Variants in PHF14 observed in about 807,000 individuals in gnomAD.
PHF14 encodes PHD finger protein 14.
In PHF14, 55 loss-of-function variants were observed where a neutral mutation model predicts 117.9. The observed-to-expected ratio is 0.47, with a 90% CI of 0.38 to 0.58. The LOEUF is 0.58. PHF14 is among the 20% of genes least tolerant of loss of function. The pLI is 0.00. For missense variants in PHF14, 978 were observed against 1,122.2 expected (o/e 0.87, Z 1.84); for synonymous variants, 409 against 368.6 (o/e 1.11, Z -1.26).
intron 4 of PHF14, among the ~76,000 whole-genome samples, chr7:11,008,871 T>C (rs1783232340): frequency 6.6e-6 from 1 of 151,610 alleles, no homozygotes; most frequent in Non-Finnish European, 1.5e-5. Context: ...CCGTCTCTAC[T>C]AAAAATACAA....
At chr7:11,094,440 T>C (rs1786768340) in intron 16 of PHF14, among the ~76,000 whole-genome samples, 1 of 152,160 alleles carries the variant, frequency 6.6e-6, no homozygotes, top group Non-Finnish European at 1.5e-5. Context: ...CATCTATTTA[T>C]CTCTCTGATT....
chr7:11,104,118 G>A (rs1019528755), intron 16 of PHF14: 20 of 984,768 alleles, frequency 2.0e-5, no homozygotes, highest in Non-Finnish European at 2.3e-5. Context: ...TTTATTTTAG[G>A]TTTTTTGAGA....
chr7:11,101,519 A>C lies in PHF14; in HGVS notation c.2655-9831A>C, dbSNP rs149775353. Among the ~76,000 whole-genome samples the C allele has an allele frequency of 2.1e-3, 321 of 151,946 alleles. 1 individual carries two copies. The highest frequency in any genetic ancestry group is 3.1e-3 in the Non-Finnish European group (208 of 67,810). Reference sequence around the variant, plus strand: ...CTATTTAACAAGCAAATTGACCTCTATTATTTCTTATATGTTGATAAATAC... The same window carrying C: ...CTATTTAACAAGCAAATTGACCTCTCTTATTTCTTATATGTTGATAAATAC... On this transcript the variant is annotated intron_variant, in intron 16 of 17. Coordinates refer to ENST00000634607, the MANE Select transcript of PHF14 (RefSeq NM_001007157.2).
rs373727440 is a variant in PHF14, at chr7:11,168,589, TTTAA to T, written c.2773-822_2773-819del. Among the ~76,000 whole-genome samples, 126 of 152,354 alleles carry T rather than the reference TTTAA, an allele frequency of 8.3e-4. 1 individual carries two copies. Among genetic ancestry groups the T allele is most frequent in the Middle Eastern group, 6.8e-3 (2 of 294 alleles). On this transcript the variant is annotated intron_variant, in intron 17 of 17. Transcript: ENST00000634607. ...GAAATACTTAAATTGATGTTTATGCTTTAATTAACTCAGAAGAGTACCTTTATGT... is the reference window on the plus strand; with the variant it reads ...GAAATACTTAAATTGATGTTTATGCTTTAACTCAGAAGAGTACCTTTATGT...
rs193243914 is a variant in PHF14, at chr7:10,989,670, C to T, written c.901-1033C>T. On this transcript the variant is annotated intron_variant, in intron 3 of 17. Coordinates refer to ENST00000634607, the MANE Select transcript of PHF14 (RefSeq NM_001007157.2). ...TTTTGAGACAGGGTCTTGTGCTGTCCCCCAGGCTGAAGTGCAGTGGCGAGA... is the reference window on the plus strand; with the variant it reads ...TTTTGAGACAGGGTCTTGTGCTGTCTCCCAGGCTGAAGTGCAGTGGCGAGA... Among the ~76,000 whole-genome samples, 39 of 152,160 alleles carry T rather than the reference C, an allele frequency of 2.6e-4. 1 individual carries two copies. In the East Asian group the frequency reaches 7.5e-3, roughly 29 times the overall value.
intron 16 of PHF14, among the ~76,000 whole-genome samples, chr7:11,086,401 T>G (rs550678017): frequency 2.0e-5 from 3 of 152,202 alleles, no homozygotes; most frequent in Non-Finnish European, 4.4e-5. Context: ...GTTGCTTTTA[T>G]GCCATCTTGC....
intron 17 of PHF14, among the ~76,000 whole-genome samples, chr7:11,122,344 T>TACACAC (rs1186878512): frequency 1.5e-5 from 1 of 68,486 alleles, no homozygotes; most frequent in Non-Finnish European, 2.6e-5. Flanking sequence ...TATATATATA[T>TACACAC]ATATATATAC....
chr7:11,086,107 ACT>A (rs766334418), intron 16 of PHF14, among the ~76,000 whole-genome samples: 1 of 151,834 alleles, frequency 6.6e-6, no homozygotes, highest in African/African-American at 2.4e-5. Flanking sequence ...TCCTTCATCA[ACT>A]CTCTCCTGGA....
intron 17 of PHF14, among the ~76,000 whole-genome samples, chr7:11,139,824 T>C (rs2075304567): frequency 6.6e-6 from 1 of 152,046 alleles, no homozygotes; most frequent in Admixed American, 6.6e-5. Flanking sequence ...GAAAATTGAG[T>C]AAAATTTTCC....
chr7:11,169,313 C>T, intron 17 of PHF14, 103 bp from the exon 18 acceptor site: 1 of 539,966 alleles, frequency 1.9e-6, no homozygotes, highest in Non-Finnish European at 3.3e-6. Context: ...TTATTAGAAT[C>T]ACAGTAGTTC....
intron 14 of PHF14, among the ~76,000 whole-genome samples, chr7:11,056,781 A>G (rs1785034903): frequency 6.7e-6 from 1 of 148,790 alleles, no homozygotes; most frequent in Non-Finnish European, 1.5e-5. Flanking sequence ...AATATATGCT[A>G]TACATATAAT....
intron 7 of PHF14, among the ~76,000 whole-genome samples, chr7:11,035,412 C>A (rs932178964): frequency 2.6e-4 from 40 of 152,052 alleles, no homozygotes; most frequent in African/African-American, 9.4e-4. Context: ...TTTAAACCTG[C>A]AGGCCCTTTA....
intron 4 of PHF14, among the ~76,000 whole-genome samples, chr7:10,999,202 C>T (rs1198034027): frequency 1.3e-5 from 2 of 152,170 alleles, no homozygotes; most frequent in Non-Finnish European, 2.9e-5. Context: ...TTTCTTCTAG[C>T]ACAATCTGCT....
intron 4 of PHF14, among the ~76,000 whole-genome samples, chr7:11,002,639 C>G (rs1038743288): frequency 1.3e-5 from 2 of 151,966 alleles, no homozygotes; most frequent in African/African-American, 4.8e-5. Flanking sequence ...GACGGGATTT[C>G]TCCATGTTGG....
intron 16 of PHF14, among the ~76,000 whole-genome samples, chr7:11,100,352 C>A (rs1375600175): frequency 6.6e-6 from 1 of 151,906 alleles, no homozygotes; most frequent in Non-Finnish European, 1.5e-5. Flanking sequence ...GTATCCCAGA[C>A]TATGTTTTCT....
rs527608260 is a variant in PHF14, at chr7:10,989,893, T to G, written c.901-810T>G. ...TGATCCTCCTGCTTCAACCTCCCACTGTATTTGGGATTACCGGTGTGAGCC... is the reference window on the plus strand; with the variant it reads ...TGATCCTCCTGCTTCAACCTCCCACGGTATTTGGGATTACCGGTGTGAGCC... On this transcript the variant is annotated intron_variant, in intron 3 of 17. Transcript: ENST00000634607. 2.6e-5 allele frequency among the ~76,000 whole-genome samples: 4 copies of G among 152,296 alleles called. No homozygotes were observed. In the South Asian group the frequency reaches 6.2e-4, roughly 24 times the overall value.
In PHF14 at chr7:11,161,966, G is replaced by A. The variant is rs566822129; in HGVS notation, c.2773-7450G>A. Among the ~76,000 whole-genome samples the A allele has an allele frequency of 2.7e-4, 41 of 149,310 alleles. No homozygotes were observed. The East Asian group carries it at 6.1e-3, about 22-fold the overall frequency. ...TTTCTATTGTCAAGACCATAAGTTC[G>A]TCAGGGTTATCAAACATACTCACCA... On this transcript the variant is annotated intron_variant, in intron 17 of 17. Coordinates refer to ENST00000634607, the MANE Select transcript of PHF14 (RefSeq NM_001007157.2).
intron 10 of PHF14, among the ~76,000 whole-genome samples, chr7:11,037,967 A>G (rs1784365803): frequency 6.6e-6 from 1 of 152,206 alleles, no homozygotes; most frequent in Non-Finnish European, 1.5e-5. Flanking sequence ...TTAGCAGAAC[A>G]TGATGTTATA....
At chr7:11,101,814 T>G (rs1259208063) in intron 16 of PHF14, among the ~76,000 whole-genome samples, 4 of 151,878 alleles carry the variant, frequency 2.6e-5, no homozygotes, top group Non-Finnish European at 5.9e-5. Flanking sequence ...GATCTAAATG[T>G]TTGAAGGAAA....
Sources: allele counts gnomAD v4.1 joint callset (sites outside exome capture counted in the v4.1 genomes callset), GRCh38; gene constraint gnomAD v4.1.1; transcripts MANE v1.5; gene names NCBI Gene and HGNC (gene_info 2026-07-23, HGNC 2026-07-21).